Variants in ZNF827 observed in about 807,000 individuals in gnomAD.
ZNF827 encodes zinc finger protein 827.
In ZNF827, 13 loss-of-function variants were observed where a neutral mutation model predicts 102.4. The ratio of observed to expected loss-of-function variants is 0.13; its 90% CI spans 0.08 to 0.20. The LOEUF (loss-of-function observed/expected upper bound fraction) is 0.20. Among genes scored for constraint, ZNF827 ranks in the 10% least tolerant of loss-of-function variants. The pLI, the probability that ZNF827 is intolerant of heterozygous loss-of-function variation, is 1.00. For synonymous variants in ZNF827, 523 were observed against 536.2 expected (o/e 0.98, Z 0.34); for missense variants, 1,103 against 1,344.4 (o/e 0.82, Z 2.81).
In ZNF827 at chr4:145,849,364, T is replaced by C; in HGVS notation, c.2179A>G (p.Ile727Val). Residue 727 changes from isoleucine to valine, a missense_variant, in exon 6 of 15, where the codon ATC becomes GTC. Around this residue, in one of 5 missense-constraint regions of ZNF827, gnomAD observed 243 missense variants for 251.6 expected, o/e 0.97. Transcript: ENST00000508784. ...PPERNLFSQD[I>V]SVKMASELLF... is the part of the protein sequence containing the mutation. ...AGCTCGGAAGCCATTTTCACAGAGA[T>C]ATCCTGACTGAAGAGGTTTCTCTCT... 1 of 1,614,136 alleles carries C rather than the reference T, an allele frequency of 6.2e-7. No homozygotes were observed. The highest frequency in any genetic ancestry group is 8.5e-7 in the Non-Finnish European group (1 of 1,180,014).
At chr4:145,842,661 A>AG (rs1477635494) in intron 7 of ZNF827, among the ~76,000 whole-genome samples, 1 of 152,194 alleles carries the variant, frequency 6.6e-6, no homozygotes, top group Non-Finnish European at 1.5e-5. Flanking sequence ...TCCTAGGATC[A>AG]GGAGATGGCA....
At chr4:145,924,910 T>A (rs1753319591) in intron 1 of ZNF827, among the ~76,000 whole-genome samples, 2 of 152,176 alleles carry the variant, frequency 1.3e-5, no homozygotes, top group African/African-American at 4.8e-5. Context: ...CCTGTTTTGG[T>A]TAATGTATTA....
chr4:145,777,196 G>T (rs1416026723), intron 9 of ZNF827, among the ~76,000 whole-genome samples: 1 of 152,200 alleles, frequency 6.6e-6, no homozygotes, highest in Non-Finnish European at 1.5e-5. Flanking sequence ...GCAGGGTCAG[G>T]GGAGGAGCCC....
intron 1 of ZNF827, among the ~76,000 whole-genome samples, chr4:145,919,776 C>A (rs1752930235): frequency 6.6e-6 from 1 of 152,318 alleles, no homozygotes; most frequent in African/African-American, 2.4e-5. Context: ...TAACATTAAA[C>A]CAGAAACCTG....
intron 1 of ZNF827, 86 bp downstream of exon 1, chr4:145,938,279 A>C (rs1248790852): frequency 2.0e-5 from 31 of 1,535,500 alleles, no homozygotes; most frequent in Non-Finnish European, 2.8e-5. Flanking sequence ...ACTAATGCAG[A>C]AAACAACGGA....
chr4:145,846,771 C>A (rs1746002463), intron 6 of ZNF827, among the ~76,000 whole-genome samples: 1 of 141,346 alleles, frequency 7.1e-6, no homozygotes, highest in South Asian at 2.4e-4. Context: ...GAGCCGAGAT[C>A]GCGCCACTAC....
Position 145,910,160 on chromosome 4 carries a change from C to T in ZNF827, c.44-6945G>A, listed in dbSNP as rs574856283. On this transcript the variant is annotated intron_variant, in intron 1 of 14. Transcript: ENST00000508784. ...CACACACGGGGGGAGGGAGGGGCTC[C>T]TGGGTCAAGACGAGCATTTGGCACA... is the stretch of plus-strand genomic sequence containing the variant. Among the ~76,000 whole-genome samples, 4 of 152,206 alleles carry T rather than the reference C, an allele frequency of 2.6e-5. No individual in the cohort carries two copies. In the South Asian group the frequency reaches 8.3e-4, roughly 32 times the overall value.
intron 5 of ZNF827, 34 bp downstream of exon 5, chr4:145,870,211 T>C: frequency 1.9e-6 from 3 of 1,603,736 alleles, no homozygotes; most frequent in East Asian, 4.5e-5. Flanking sequence ...AGTGAAACTA[T>C]CAGAATGTGA....
chr4:145,832,284 CAAA>C (rs1228894072), intron 7 of ZNF827: 1 of 140,870 alleles, frequency 7.1e-6, no homozygotes, highest in Non-Finnish European at 1.5e-5. Context: ...AACAAACAAA[CAAA>C]AAACAAAACA....
intron 7 of ZNF827, among the ~76,000 whole-genome samples, chr4:145,828,416 G>A (rs959971882): frequency 2.0e-5 from 3 of 152,118 alleles, no homozygotes; most frequent in African/African-American, 4.8e-5. Context: ...CAGCTAATGG[G>A]GAGGGAATCA....
intron 4 of ZNF827, among the ~76,000 whole-genome samples, chr4:145,881,133 T>C (rs1256263278): frequency 6.6e-6 from 1 of 152,230 alleles, no homozygotes; most frequent in Non-Finnish European, 1.5e-5. Context: ...CAAAGGCCAA[T>C]GGAAAACTAC....
At chr4:145,764,151 T>C (rs948299588) in intron 13 of ZNF827, among the ~76,000 whole-genome samples, 3 of 152,266 alleles carry the variant, frequency 2.0e-5, no homozygotes, top group Non-Finnish European at 4.4e-5. Context: ...CATGATCGTT[T>C]AGCTGAGAAT....
At chr4:145,791,156 A>G (rs1739620777) in intron 8 of ZNF827, among the ~76,000 whole-genome samples, 1 of 152,202 alleles carries the variant, frequency 6.6e-6, no homozygotes, top group African/African-American at 2.4e-5. Flanking sequence ...TTTTTCTCAC[A>G]GTTCTGGAGG....
intron 1 of ZNF827, among the ~76,000 whole-genome samples, chr4:145,932,514 G>A (rs560185924): frequency 5.0e-4 from 73 of 146,344 alleles, no homozygotes; most frequent in Non-Finnish European, 9.0e-4. Flanking sequence ...TCGCTCTGTC[G>A]AACAGGCTGG....
At chr4:145,843,432 T>TA (rs997054220) in intron 7 of ZNF827, among the ~76,000 whole-genome samples, 4 of 152,170 alleles carry the variant, frequency 2.6e-5, no homozygotes, top group Non-Finnish European at 5.9e-5. Context: ...GCCAAATGGT[T>TA]AAAAAAATTT....
At chr4:145,891,085 G>A (rs1750560966) in intron 3 of ZNF827, among the ~76,000 whole-genome samples, 1 of 152,086 alleles carries the variant, frequency 6.6e-6, no homozygotes, top group African/African-American at 2.4e-5. Context: ...TCTTATGGTA[G>A]GAAAGTAAAC....
intron 2 of ZNF827, among the ~76,000 whole-genome samples, chr4:145,898,476 C>G (rs1751150998): frequency 6.6e-6 from 1 of 152,176 alleles, no homozygotes; most frequent in Admixed American, 6.5e-5. Flanking sequence ...TGGCCTTCTA[C>G]AAGAAACTTT....
In ZNF827 at chr4:145,760,021, G is replaced by A. The variant is rs1306819290; in HGVS notation, c.*1595C>T. 3 of 152,204 alleles carry A rather than the reference G, an allele frequency of 2.0e-5. No homozygotes were observed. Among genetic ancestry groups the A allele is most frequent in the Non-Finnish European group, 2.9e-5 (2 of 68,036 alleles). The allele number at this position is 152,204 out of a possible 1,614,324, so 9.4% of individuals were successfully genotyped here. ...TCTGTGATGTTAGCTGCAGTGCTGC[G>A]AGATATTTCTTCCAGATCAGTCACT... is the stretch of plus-strand genomic sequence containing the variant. On this transcript the variant is annotated 3_prime_UTR_variant, in exon 15 of 15. Transcript: ENST00000508784.
At chr4:145,925,510 A>G (rs1328035655) in intron 1 of ZNF827, among the ~76,000 whole-genome samples, 2 of 152,176 alleles carry the variant, frequency 1.3e-5, no homozygotes, top group Non-Finnish European at 2.9e-5. Flanking sequence ...AACATTTGAA[A>G]GAACTATCAG....
Sources: allele counts gnomAD v4.1 joint callset (sites outside exome capture counted in the v4.1 genomes callset), GRCh38; gene constraint gnomAD v4.1.1; regional missense constraint gnomAD v4.1.1; transcripts MANE v1.5; gene names NCBI Gene and HGNC (gene_info 2026-07-23, HGNC 2026-07-21).